The following HEPHL1 variants were observed in gnomAD, a reference collection of about 807,000 sequenced individuals.
HEPHL1 encodes ferroxidase HEPHL1.
A neutral mutation model predicts 122.0 loss-of-function variants in HEPHL1; 123 were observed. The observed-to-expected ratio is 1.01, with a 90% CI of 0.87 to 1.17. The LOEUF is 1.17. Among genes scored for constraint, HEPHL1 ranks in the 50% most tolerant of loss-of-function variants. The pLI is 0.00. For missense variants in HEPHL1, 1,452 were observed against 1,430.5 expected, an observed-to-expected ratio of 1.01 and a Z score of -0.24; for synonymous variants, 527 against 508.9, an observed-to-expected ratio of 1.04 and a Z score of -0.48.
chr11:94,104,535 A>T lies in HEPHL1; in HGVS notation c.2690A>T (p.Tyr897Phe). 6.2e-7 allele frequency: 1 copy of T among 1,609,076 alleles called. No individual in the cohort carries two copies. The highest frequency in any genetic ancestry group is 8.5e-7 in the Non-Finnish European group (1 of 1,175,514). The change falls in exon 16 of 20, where the codon TAT becomes TTT. Residue 897 changes from tyrosine to phenylalanine, a missense_variant. Tyr to Phe is a conservative substitution (Grantham distance 22). Coordinates refer to ENST00000315765, the MANE Select transcript of HEPHL1 (RefSeq NM_001098672.2). ...GTTTATTTTTTCTTCCAGGATACGT[A>T]TAGTGGTTTGATGGGTCCTCTGATT... ...YSTVNFVKDT[Y>F]SGLMGPLITC...
intron 16 of HEPHL1, 104 bp downstream of exon 16, chr11:94,104,854 C>T (rs1946396540): frequency 4.6e-6 from 4 of 867,330 alleles, no homozygotes; most frequent in Non-Finnish European, 7.2e-6. Context: ...TTCCTCCTTC[C>T]CAGGGGCACC....
intron 1 of HEPHL1, among the ~76,000 whole-genome samples, chr11:94,043,763 C>T (rs1945808618): frequency 6.6e-6 from 1 of 151,876 alleles, no homozygotes; most frequent in African/African-American, 2.4e-5. Flanking sequence ...GCATTACTTC[C>T]TTAAGGAAAC....
rs1241433261 is a variant in HEPHL1 at position 94,112,464 on chromosome 11, T to G, written c.*570T>G. ...GAGGCTTTAACCAGCTCTCCTGGCCTTTTCCTCTTTGATATAAATAGCCTG... is the reference window on the plus strand; with the variant it reads ...GAGGCTTTAACCAGCTCTCCTGGCCGTTTCCTCTTTGATATAAATAGCCTG... On this transcript the variant is annotated 3_prime_UTR_variant, in exon 20 of 20. Transcript: ENST00000315765. 1 of 152,248 alleles carries G rather than the reference T, an allele frequency of 6.6e-6. No individual in the cohort carries two copies. The highest frequency in any genetic ancestry group is 1.5e-5 in the Non-Finnish European group (1 of 68,042). The allele number at this position is 152,248 out of a possible 1,614,324, so 9.4% of individuals were successfully genotyped here.
chr11:94,072,330 GGAAAA>G, intron 6 of HEPHL1, among the ~76,000 whole-genome samples: 1 of 152,054 alleles, frequency 6.6e-6, no homozygotes, highest in South Asian at 2.1e-4. Flanking sequence ...TGGGAAGAAA[GGAAAA>G]GAAAAGATGC....
At chr11:94,042,883 A>AAAACAAAAAAACAAAC (rs1555058776) in intron 1 of HEPHL1, among the ~76,000 whole-genome samples, 1 of 132,398 alleles carries the variant, frequency 7.6e-6, no homozygotes, top group African/African-American at 2.8e-5. Flanking sequence ...AATAAAAAAA[A>AAAACAAAAAAACAAAC]AAAAAAAAAA....
intron 10 of HEPHL1, among the ~76,000 whole-genome samples, chr11:94,085,582 C>G (rs556922641): frequency 6.6e-6 from 1 of 152,236 alleles, no homozygotes. Context: ...AAATGAGGGT[C>G]TTGTAGAATT....
In HEPHL1 at chr11:94,072,967, A is replaced by T. The variant is rs1171838883; in HGVS notation, c.1233-58A>T. On this transcript the variant is annotated intron_variant, in intron 6 of 19. Transcript: ENST00000315765. ...AGTGATAGAATGAAGTTCTATAATT[A>T]AAGTATTTGGTGGATATGTTGAGAA... The T allele has an allele frequency of 2.7e-6, 4 of 1,507,036 alleles. No individual in the cohort carries two copies. In the East Asian group the frequency reaches 9.1e-5, roughly 34 times the overall value. The allele number at this position is 1,507,036 out of a possible 1,614,324, so 93.4% of individuals were successfully genotyped here.
chr11:94,094,769 A>T (rs1346058506), intron 13 of HEPHL1, among the ~76,000 whole-genome samples: 1 of 152,096 alleles, frequency 6.6e-6, no homozygotes, highest in Non-Finnish European at 1.5e-5. Context: ...GCATTTTTTC[A>T]TGTGTCTGTT....
chr11:94,056,263 AC>A (rs755530235), intron 2 of HEPHL1, among the ~76,000 whole-genome samples: 3 of 152,188 alleles, frequency 2.0e-5, no homozygotes, highest in Non-Finnish European at 2.9e-5. Context: ...CACAATACAA[AC>A]AGCATATAAT....
At chr11:94,089,605 G>C (rs1043223295) in intron 12 of HEPHL1, among the ~76,000 whole-genome samples, 1 of 152,146 alleles carries the variant, frequency 6.6e-6, no homozygotes, top group Non-Finnish European at 1.5e-5. Context: ...TGCTCCTCCA[G>C]GGCGCTAAGC....
chr11:94,054,263 A>C (rs1945916523), intron 2 of HEPHL1, among the ~76,000 whole-genome samples: 1 of 152,184 alleles, frequency 6.6e-6, no homozygotes, highest in African/African-American at 2.4e-5. Context: ...TCAATACTTC[A>C]AGTTGGAATT....
chr11:94,052,520 G>A (rs764225400), intron 2 of HEPHL1, among the ~76,000 whole-genome samples: 4 of 152,068 alleles, frequency 2.6e-5, no homozygotes, highest in East Asian at 1.9e-4. Context: ...TGGTGGAGCC[G>A]TTAGGTTTTT....
intron 10 of HEPHL1, among the ~76,000 whole-genome samples, chr11:94,083,766 C>T (rs1383550921): frequency 1.4e-5 from 1 of 72,836 alleles, no homozygotes; most frequent in Non-Finnish European, 2.7e-5. Flanking sequence ...TGGAGTAGTA[C>T]ATTTCAGTGT....
chr11:94,022,562 A>G (rs1045695416), intron 1 of HEPHL1, among the ~76,000 whole-genome samples: 8 of 152,196 alleles, frequency 5.3e-5, no homozygotes, highest in African/African-American at 1.7e-4. Context: ...ACAGCTTCCA[A>G]GTTTTCTAAC....
chr11:94,026,303 A>T (rs1299894030), intron 1 of HEPHL1, among the ~76,000 whole-genome samples: 6 of 152,194 alleles, frequency 3.9e-5, no homozygotes, highest in Non-Finnish European at 8.8e-5. Context: ...TTTTACTTAA[A>T]TCTCATTGGA....
Position 94,063,708 on chromosome 11 carries a change from G to T in HEPHL1, c.616G>T (p.Val206Phe), listed in dbSNP as rs1946008351. ...CTCTGGGCTAATTGGGCCCCTGCTG[G>T]TCTGCAAGGAAGGTAAGGAGCTTTG... The part of the protein sequence containing the change: ...ICSGLIGPLL[V>F]CKEGILNRYS... The change falls in exon 3 of 20, where the codon GTC becomes TTC. Residue 206 changes from valine (V) to phenylalanine (F), a missense_variant. By Grantham distance (50) the Val-to-Phe change is conservative. Coordinates refer to ENST00000315765, the MANE Select transcript of HEPHL1 (RefSeq NM_001098672.2). The T allele has an allele frequency of 1.2e-6, 2 of 1,613,572 alleles. No individual in the cohort carries two copies. The highest frequency in any genetic ancestry group is 1.7e-6 in the Non-Finnish European group (2 of 1,179,704).
intron 11 of HEPHL1, among the ~76,000 whole-genome samples, chr11:94,087,354 C>T (rs1946226503): frequency 1.3e-5 from 2 of 152,104 alleles, no homozygotes; most frequent in African/African-American, 4.8e-5. Context: ...ATCATTACTC[C>T]ATGTGTCCTA....
chr11:94,027,100 T>G (rs901834977), intron 1 of HEPHL1, among the ~76,000 whole-genome samples: 3 of 152,190 alleles, frequency 2.0e-5, no homozygotes, highest in African/African-American at 7.2e-5. Context: ...TTCTGGTATC[T>G]GCCAGCATTC....
chr11:94,084,690 T>C (rs929385272), intron 10 of HEPHL1, among the ~76,000 whole-genome samples: 5 of 152,214 alleles, frequency 3.3e-5, no homozygotes, highest in Non-Finnish European at 7.3e-5. Context: ...AGCCAAGGAC[T>C]GAATTTATTA....
Sources: gnomAD v4.1 joint callset for allele counts (sites outside exome capture counted in the v4.1 genomes callset) on GRCh38, gnomAD v4.1.1 for gene constraint, MANE v1.5 for transcripts, NCBI Gene and HGNC (gene_info 2026-07-23, HGNC 2026-07-21) for gene names.